The following ADAMTS17 variants were observed in gnomAD, a reference collection of about 807,000 sequenced individuals.
ADAMTS17 encodes the protein ADAM metallopeptidase with thrombospondin type 1 motif 17, also known as A disintegrin and metalloproteinase with thrombospondin motifs 17.
A neutral mutation model predicts 141.5 loss-of-function variants in ADAMTS17; 113 were observed. The ratio of observed to expected loss-of-function variants is 0.80; its 90% CI spans 0.69 to 0.93. The LOEUF (loss-of-function observed/expected upper bound fraction) is 0.93, where lower values mean the gene tolerates loss of function less well. Ranked by LOEUF, ADAMTS17 falls within the 40% of genes least tolerant of loss-of-function variation. ADAMTS17 has a pLI of 0.00. For synonymous variants in ADAMTS17, 768 were observed against 630.6 expected (o/e 1.22, Z -3.27); for missense variants, 1,659 against 1,517.9 (o/e 1.09, Z -1.54).
At chr15:100,152,879 T>C (rs912412129) in intron 9 of ADAMTS17, 117 bp from the exon 10 acceptor site, 38 of 1,182,408 alleles carry the variant, frequency 3.2e-5, no homozygotes, top group South Asian at 2.1e-4. Flanking sequence ...CCACGTTCCT[T>C]ATGGAAAAAG....
At chr15:100,104,209 G>C (rs1424426016) in intron 14 of ADAMTS17, among the ~76,000 whole-genome samples, 6 of 152,328 alleles carry the variant, frequency 3.9e-5, no homozygotes, top group African/African-American at 1.2e-4. Flanking sequence ...TTGTGTATCA[G>C]AGGCTTATTA....
chr15:100,339,764 C>T (rs1441190542), intron 2 of ADAMTS17, among the ~76,000 whole-genome samples: 1 of 152,150 alleles, frequency 6.6e-6, no homozygotes, highest in Non-Finnish European at 1.5e-5. Context: ...CCTATTTTTC[C>T]CAGCTGAGCA....
In ADAMTS17 at chr15:99,987,201, G is replaced by C. The variant is rs2060607132; in HGVS notation, c.2949+5847C>G. Among the ~76,000 whole-genome samples, 3 of 152,180 alleles carry C rather than the reference G, an allele frequency of 2.0e-5. No individual in the cohort carries two copies. In the South Asian group the frequency reaches 6.2e-4, roughly 32 times the overall value. ...TCTCATCTTTCTCAACAGCACCTTGGGGTGAAGTGAGAGGAGACTGCTTGG... is the reference window on the plus strand; with the variant it reads ...TCTCATCTTTCTCAACAGCACCTTGCGGTGAAGTGAGAGGAGACTGCTTGG... On this transcript the variant is annotated intron_variant, in intron 20 of 21. Transcript: ENST00000268070.
At position 99,993,637 on chromosome 15, in the gene ADAMTS17, G is replaced by A. The variant is rs1352166232; in HGVS notation, c.2797-437C>T. ...CCAGATCTTTCCAGCTGGCCTCCAG[G>A]TGCACATGCTGTGCTTGGACCAGCC... On this transcript the variant is annotated intron_variant, in intron 19 of 21. Transcript: ENST00000268070. The surrounding 1 kb of genome is among the most constrained non-coding windows in gnomAD (Gnocchi z 4.3). Among the ~76,000 whole-genome samples, 1 of 152,212 alleles carries A rather than the reference G, an allele frequency of 6.6e-6. No individual in the cohort carries two copies. The highest frequency in any genetic ancestry group is 2.4e-5 in the African/African-American group (1 of 41,454).
Position 100,283,911 on chromosome 15 carries a change from C to G in ADAMTS17, c.617-2510G>C, listed in dbSNP as rs538695690. ...ACTTGCGGTCAGGAGTTTGAGACCACCCTAGCCAACCTGGTGAAACCCCGT... is the reference window on the plus strand; with the variant it reads ...ACTTGCGGTCAGGAGTTTGAGACCAGCCTAGCCAACCTGGTGAAACCCCGT... On this transcript the variant is annotated intron_variant, in intron 3 of 21. Transcript: ENST00000268070. 2.6e-5 allele frequency among the ~76,000 whole-genome samples: 4 copies of G among 152,206 alleles called. No homozygotes were observed. The South Asian group carries it at 8.3e-4, about 32-fold the overall frequency.
chr15:100,146,677 A>G (rs1222468889), intron 10 of ADAMTS17, among the ~76,000 whole-genome samples: 3 of 50,810 alleles, frequency 5.9e-5, no homozygotes, highest in African/African-American at 9.5e-5. Flanking sequence ...GAACAGAGCC[A>G]TATTTCTCTT....
intron 8 of ADAMTS17, among the ~76,000 whole-genome samples, chr15:100,159,521 G>A (rs375915014): frequency 6.6e-6 from 1 of 152,350 alleles, no homozygotes; most frequent in South Asian, 2.1e-4. Flanking sequence ...ACTGGTGAGA[G>A]AGTTTTTAAA....
Position 100,051,709 on chromosome 15 carries a change from T to A in ADAMTS17, c.2318A>T (p.Asp773Val), listed in dbSNP as rs774406082. 3.7e-6 allele frequency: 6 copies of A among 1,614,172 alleles called. No homozygotes were observed. The South Asian group carries it at 5.5e-5, about 15-fold the overall frequency. The change falls in exon 17 of 22, where the codon GAT becomes GTT. Residue 773 changes from aspartate to valine, a missense_variant. Physicochemically the swap from Asp to Val is radical, Grantham distance 152. Coordinates refer to ENST00000268070, the MANE Select transcript of ADAMTS17 (RefSeq NM_139057.4). ...HLMVLLFHDQ[D>V]YGIHYEYTVP... Reference sequence around the variant, plus strand: ...AGTGTATTCATAATGAATTCCATAATCTTGGTCGTGAAATAACAACACCTG... The same window carrying A: ...AGTGTATTCATAATGAATTCCATAAACTTGGTCGTGAAATAACAACACCTG...
chr15:100,340,191 G>C (rs984181349), intron 2 of ADAMTS17, among the ~76,000 whole-genome samples: 8 of 152,236 alleles, frequency 5.3e-5, no homozygotes, highest in African/African-American at 1.9e-4. Context: ...TGGAGAAGCT[G>C]AGTGCTCGTC....
Position 100,341,265 on chromosome 15 carries a change from CG to C in ADAMTS17, c.223del (p.Arg75GlyfsTer88). On this transcript the variant is annotated frameshift_variant, in exon 2 of 22. Coordinates refer to ENST00000268070, the MANE Select transcript of ADAMTS17 (RefSeq NM_139057.4). LOFTEE classifies it high-confidence loss of function. ...PRTPPAAPRA[R>X]PGERALLLHL... ...CAGCAGCAGGGCGCGCTCTCCGGGC[CG>C]GGCGCGCGGGGCGGCTGGGGGCGTG... The C allele has an allele frequency of 7.8e-7, 1 of 1,276,350 alleles. No individual in the cohort carries two copies. 79.1% of individuals were successfully genotyped at this position (1,276,350 alleles called of 1,614,324 possible).
intron 18 of ADAMTS17, among the ~76,000 whole-genome samples, chr15:100,004,705 C>T (rs1429036995): frequency 6.6e-6 from 1 of 151,458 alleles, no homozygotes; most frequent in Non-Finnish European, 1.5e-5. Context: ...ACTGCAGCCT[C>T]CACCTCCCGA....
At chr15:100,131,226 A>G (rs62038610) in intron 12 of ADAMTS17, among the ~76,000 whole-genome samples, 1 of 151,064 alleles carries the variant, frequency 6.6e-6, no homozygotes, top group Non-Finnish European at 1.5e-5. Context: ...GAGGGGGTTG[A>G]GGGGCAAGGG....
intron 14 of ADAMTS17, among the ~76,000 whole-genome samples, chr15:100,097,080 C>T (rs1292409748): frequency 6.6e-6 from 1 of 152,176 alleles, no homozygotes; most frequent in African/African-American, 2.4e-5. Flanking sequence ...CGTCTGAGAG[C>T]AGAGGAGAGG....
rs142041228 is a variant in ADAMTS17 at position 100,311,767 on chromosome 15, G to A, written c.616+19122C>T. Among the ~76,000 whole-genome samples, 394 of 152,154 alleles carry A rather than the reference G, an allele frequency of 2.6e-3. 1 individual carries two copies. The highest frequency in any genetic ancestry group is 8.5e-3 in the South Asian group (41 of 4,822). On this transcript the variant is annotated intron_variant, in intron 3 of 21. Transcript: ENST00000268070. ...AATCAAGTAATATTCAAGAAGAGGT[G>A]CCTGCCCTAGCCTCACATCTGGGTT... is the stretch of plus-strand genomic sequence containing the variant.
intron 14 of ADAMTS17, among the ~76,000 whole-genome samples, chr15:100,105,791 G>A (rs568858986): frequency 2.7e-4 from 41 of 152,134 alleles, no homozygotes; most frequent in African/African-American, 7.2e-4. Context: ...AGGTTCAAGC[G>A]ATTCTCCTGC....
chr15:99,974,084 C>G lies in ADAMTS17; in HGVS notation c.*318G>C. ...TTCAAATGTCAAAAGCGAGTCAAGA[C>G]AAGAACACTAAATGATGTCTCTCTC... On this transcript the variant is annotated 3_prime_UTR_variant, in exon 22 of 22. Transcript: ENST00000268070. The G allele has an allele frequency of 2.3e-6, 1 of 434,858 alleles. No individual in the cohort carries two copies. The highest frequency in any genetic ancestry group is 7.0e-4 in the Middle Eastern group (1 of 1,432). 26.9% of individuals were successfully genotyped at this position (434,858 alleles called of 1,614,324 possible).
chr15:100,040,390 C>T (rs927244011), intron 18 of ADAMTS17, among the ~76,000 whole-genome samples: 2 of 152,174 alleles, frequency 1.3e-5, no homozygotes, highest in African/African-American at 2.4e-5. Context: ...TTTGGGGCAG[C>T]GGCTGTTGTT....
intron 7 of ADAMTS17, among the ~76,000 whole-genome samples, chr15:100,212,960 T>C (rs865937265): frequency 2.6e-5 from 4 of 152,142 alleles, no homozygotes; most frequent in Non-Finnish European, 5.9e-5. Context: ...GAGTTAAGCA[T>C]CCAATTTAAA....
chr15:100,259,708 G>C (rs939547457), intron 6 of ADAMTS17, among the ~76,000 whole-genome samples: 3 of 152,194 alleles, frequency 2.0e-5, no homozygotes, highest in African/African-American at 4.8e-5. Flanking sequence ...TCTCCTAAGG[G>C]ATTGGCACGC....
Sources: gnomAD v4.1 joint callset for allele counts (sites outside exome capture counted in the v4.1 genomes callset) on GRCh38, gnomAD v4.1.1 for gene constraint, Gnocchi (gnomAD v3.1) non-coding constraint, MANE v1.5 for transcripts, NCBI Gene and HGNC (gene_info 2026-07-23, HGNC 2026-07-21) for gene names.